LPIN2: variants seen among roughly 807,000 people sequenced by gnomAD.
The protein encoded by LPIN2 is lipin 2, also known as phosphatidate phosphatase LPIN2.
LPIN2 carries 55 observed loss-of-function variants against 111.4 expected under a neutral mutation model. That is an observed-to-expected ratio of 0.49 (90% CI 0.40 to 0.62). The LOEUF is 0.62. Among genes scored for constraint, LPIN2 ranks in the 20% least tolerant of loss-of-function variants. The pLI is 0.00. For synonymous variants in LPIN2, 425 were observed against 414.0 expected (o/e 1.03, Z -0.32); for missense variants, 992 against 1,112.1 (o/e 0.89, Z 1.54).
chr18:2,966,414 T>C (rs1482371684), intron 1 of LPIN2, among the ~76,000 whole-genome samples: 1 of 152,234 alleles, frequency 6.6e-6, no homozygotes, highest in African/African-American at 2.4e-5. Context: ...TGTTATCTCA[T>C]GTAGTCTTCA....
At chr18:2,971,150 G>C (rs756187058) in intron 1 of LPIN2, among the ~76,000 whole-genome samples, 1 of 152,106 alleles carries the variant, frequency 6.6e-6, no homozygotes, top group South Asian at 2.1e-4. Flanking sequence ...ACCCACCCCA[G>C]TCATCAGCCC....
At chr18:2,937,450 C>G (rs2077301234) in intron 7 of LPIN2, among the ~76,000 whole-genome samples, 1 of 147,866 alleles carries the variant, frequency 6.8e-6, no homozygotes, top group South Asian at 2.1e-4. Context: ...AAGGCTGAGG[C>G]AGGAGAATTG....
intron 1 of LPIN2, among the ~76,000 whole-genome samples, chr18:3,011,511 C>T (rs1340168857): frequency 3.9e-5 from 6 of 152,102 alleles, no homozygotes; most frequent in Admixed American, 2.0e-4. Context: ...ATGGTGAAAC[C>T]CCCGGTCTCT....
intron 1 of LPIN2, among the ~76,000 whole-genome samples, chr18:3,004,093 T>C (rs2078474998): frequency 6.6e-6 from 1 of 152,190 alleles, no homozygotes; most frequent in Non-Finnish European, 1.5e-5. Context: ...AATTCCAGCC[T>C]GGTAAATTCT....
intron 1 of LPIN2, among the ~76,000 whole-genome samples, chr18:2,988,560 A>T (rs932675915): frequency 6.6e-6 from 1 of 152,258 alleles, no homozygotes; most frequent in South Asian, 2.1e-4. Context: ...CTACACATAC[A>T]GATGAATCCA....
Position 2,960,411 on chromosome 18 carries a change from CT to C in LPIN2, c.192+237del, listed in dbSNP as rs1384851055. ...ATAATAATTTTCAGTTTCCCTTTCC[CT>C]TGAAGAGACTTCTGCAGTCGAGCTT... On this transcript the variant is annotated intron_variant, in intron 2 of 19. Transcript: ENST00000677752. Among the ~76,000 whole-genome samples, 3 of 151,832 alleles carry C rather than the reference CT, an allele frequency of 2.0e-5. No individual in the cohort carries two copies. In the East Asian group the frequency reaches 5.8e-4, roughly 29 times the overall value.
At chr18:2,941,112 G>A (rs1171485225) in intron 4 of LPIN2, among the ~76,000 whole-genome samples, 3 of 152,166 alleles carry the variant, frequency 2.0e-5, no homozygotes, top group Non-Finnish European at 4.4e-5. Context: ...CAAAAAGATA[G>A]GAAGTAGTTG....
intron 1 of LPIN2, among the ~76,000 whole-genome samples, chr18:2,998,624 A>G (rs1231044235): frequency 6.6e-6 from 1 of 152,174 alleles, no homozygotes; most frequent in Non-Finnish European, 1.5e-5. Flanking sequence ...AAGAGCAGGA[A>G]GAGCCACTTT....
At chr18:2,971,899 T>C (rs1019215715) in intron 1 of LPIN2, among the ~76,000 whole-genome samples, 1 of 151,596 alleles carries the variant, frequency 6.6e-6, no homozygotes, top group Admixed American at 6.6e-5. Context: ...ACACAAAAAT[T>C]AGCCAGGCAT....
At chr18:2,952,331 CAGA>C (rs1351144398) in intron 3 of LPIN2, among the ~76,000 whole-genome samples, 1 of 152,114 alleles carries the variant, frequency 6.6e-6, no homozygotes, top group African/African-American at 2.4e-5. Context: ...GAGGCTGAGG[CAGA>C]AGAATTGCTT....
intron 1 of LPIN2, among the ~76,000 whole-genome samples, chr18:2,962,275 G>C (rs2077725193): frequency 6.6e-6 from 1 of 152,156 alleles, no homozygotes; most frequent in African/African-American, 2.4e-5. Flanking sequence ...TAAAACTAAT[G>C]TTACCAAGGC....
At chr18:2,969,931 A>G (rs770436949) in intron 1 of LPIN2, among the ~76,000 whole-genome samples, 7 of 152,210 alleles carry the variant, frequency 4.6e-5, no homozygotes, top group South Asian at 4.1e-4. Flanking sequence ...TCAAGGTCTG[A>G]TAAGTGTGGA....
In LPIN2 at chr18:2,925,261, G is replaced by A; in HGVS notation, c.1901C>T (p.Ser634Leu). The stretch of plus-strand genomic sequence containing the variant: ...GGAGAGGCGGAGAGACTTCTTATAT[G>A]AAGTTGTGCTGCCGTGGCTCAGGGG... Reference protein sequence around the residue: ...TEPLSHGSTTSYKKSLRLSSD... With the variant: ...TEPLSHGSTTLYKKSLRLSSD... Residue 634 changes from serine to leucine, a missense_variant, in exon 14 of 20, where the codon TCA becomes TTA. Ser to Leu is a moderately radical substitution (Grantham distance 145). Transcript: ENST00000677752. The surrounding 1 kb of genome is among the most constrained non-coding windows in gnomAD (Gnocchi z 4.1). The A allele has an allele frequency of 6.2e-7, 1 of 1,614,208 alleles. No individual in the cohort carries two copies.
chr18:3,002,236 C>CAAAAAAAAAAAAAAAAAA lies in LPIN2; in HGVS notation c.-10+10833_-10+10850dup, dbSNP rs765641037. On this transcript the variant is annotated intron_variant, in intron 1 of 19. Coordinates refer to ENST00000677752, the MANE Select transcript of LPIN2 (RefSeq NM_001375808.2). ...TTTAAAAGGATGACCTTCAAAAGAC[C>CAAAAAAAAAAAAAAAAAA]AAAAAAAAAAAAAAAAAAAAAACCC... 2.4e-5 allele frequency among the ~76,000 whole-genome samples: 2 copies of CAAAAAAAAAAAAAAAAAA among 82,834 alleles called. 1 individual carries two copies. The highest frequency in any genetic ancestry group is 4.5e-5 in the Non-Finnish European group (2 of 44,378). The allele number at this position is 82,834 out of a possible 152,430, so 54.3% of individuals were successfully genotyped here. A position where few individuals can be genotyped will look rare whatever the true frequency, so the allele number is the denominator to read the frequency against.
At chr18:2,964,220 G>A (rs945539270) in intron 1 of LPIN2, among the ~76,000 whole-genome samples, 2 of 140,656 alleles carry the variant, frequency 1.4e-5, no homozygotes, top group African/African-American at 2.8e-5. Flanking sequence ...GAAGCGGAGG[G>A]TGCAGTGAGC....
At chr18:2,964,214 C>T (rs893240219) in intron 1 of LPIN2, among the ~76,000 whole-genome samples, 2 of 117,146 alleles carry the variant, frequency 1.7e-5, no homozygotes, top group African/African-American at 3.4e-5. Flanking sequence ...ACCTGGGAAG[C>T]GGAGGGTGCA....
intron 12 of LPIN2, among the ~76,000 whole-genome samples, chr18:2,927,405 A>C (rs760426907): frequency 3.3e-5 from 5 of 152,208 alleles, no homozygotes; most frequent in Non-Finnish European, 2.9e-5. Flanking sequence ...TAATACAGTG[A>C]AGCAGAAAGA....
intron 7 of LPIN2, among the ~76,000 whole-genome samples, chr18:2,936,209 C>T (rs949046752): frequency 6.6e-5 from 10 of 152,014 alleles, no homozygotes; most frequent in Non-Finnish European, 1.3e-4. Flanking sequence ...ATCTTTGGTG[C>T]TAGAATTTTT....
intron 1 of LPIN2, among the ~76,000 whole-genome samples, chr18:3,009,438 TTTTG>T (rs376274778): frequency 0.017 from 2,555 of 151,788 alleles, 76 homozygotes; most frequent in African/African-American, 0.058. Flanking sequence ...AAGTACCATT[TTTTG>T]TTTGTTTGTT....
Sources: allele counts gnomAD v4.1 joint callset (sites outside exome capture counted in the v4.1 genomes callset), GRCh38; gene constraint gnomAD v4.1.1; non-coding constraint Gnocchi (gnomAD v3.1); transcripts MANE v1.5; gene names NCBI Gene and HGNC (gene_info 2026-07-23, HGNC 2026-07-21).